CLDN14: variants seen among roughly 807,000 people sequenced by gnomAD.
CLDN14 encodes the protein claudin-14.
CLDN14 carries 2 observed loss-of-function variants against 2.1 expected under a neutral mutation model. The ratio of observed to expected loss-of-function variants is 0.96; its 90% CI spans 0.39 to 3.01. The LOEUF is 3.01. Ranked by LOEUF, CLDN14 falls within the 30% of genes most tolerant of loss-of-function variation. The pLI is 0.09. For synonymous variants in CLDN14, 136 were observed against 154.4 expected (o/e 0.88, Z 0.88); for missense variants, 298 against 328.0 (o/e 0.91, Z 0.71).
intron 1 of CLDN14, among the ~76,000 whole-genome samples, chr21:36,468,056 C>A (rs1158370719): frequency 6.6e-6 from 1 of 152,192 alleles, no homozygotes; most frequent in Non-Finnish European, 1.5e-5. Context: ...TATGTTTGCC[C>A]TCAAATGCTC....
intron 1 of CLDN14, among the ~76,000 whole-genome samples, chr21:36,519,563 A>T (rs8130049): frequency 0.68 from 103,539 of 152,010 alleles, 39,923 homozygotes; most frequent in Non-Finnish European, 0.89. Flanking sequence ...TACAAAAATT[A>T]GCCCGGTGTG....
chr21:36,513,224 T>C lies in CLDN14; in HGVS notation c.-219-2724A>G, dbSNP rs140082034. 3.2e-3 allele frequency among the ~76,000 whole-genome samples: 482 copies of C among 152,298 alleles called. 2 individuals carry two copies. The highest frequency in any genetic ancestry group is 0.03 in the South Asian group (145 of 4,822). On this transcript the variant is annotated intron_variant, in intron 1 of 2. Transcript: ENST00000342108. Reference sequence around the variant, plus strand: ...TTGGAGGAACTGTCCAGGGGGCTGCTGAGTAAAGCTTCTTTGCTCTTAAAA... The same window carrying C: ...TTGGAGGAACTGTCCAGGGGGCTGCCGAGTAAAGCTTCTTTGCTCTTAAAA...
intron 1 of CLDN14, among the ~76,000 whole-genome samples, chr21:36,538,742 C>T (rs1231363100): frequency 7.4e-6 from 1 of 135,798 alleles, no homozygotes; most frequent in South Asian, 2.5e-4. Context: ...TCCCTCAAGT[C>T]ACCTCCATTG....
chr21:36,529,980 C>T (rs1009405395), intron 1 of CLDN14, among the ~76,000 whole-genome samples: 2 of 152,184 alleles, frequency 1.3e-5, no homozygotes, highest in African/African-American at 4.8e-5. Context: ...GAGCGGGCAC[C>T]TGCTGGGGGA....
At position 36,546,969 on chromosome 21, in the gene CLDN14, A is replaced by G. The variant is rs12626500; in HGVS notation, c.-220+29442T>C. 2.0e-4 allele frequency among the ~76,000 whole-genome samples: 31 copies of G among 152,284 alleles called. No homozygotes were observed. The East Asian group carries it at 5.2e-3, about 26-fold the overall frequency. ...GGCAGGGAGGAGTGTTGCTCTTGGC[A>G]TCTAGTGGGTAGAGTCAGCGATGCT... On this transcript the variant is annotated intron_variant, in intron 1 of 2. Coordinates refer to the CLDN14 transcript ENST00000342108.
At chr21:36,546,385 G>A (rs1043769165) in intron 1 of CLDN14, among the ~76,000 whole-genome samples, 9 of 152,132 alleles carry the variant, frequency 5.9e-5, no homozygotes, top group Non-Finnish European at 1.2e-4. Context: ...AGAAACAGCT[G>A]TGCTTGTTCT....
At position 36,544,558 on chromosome 21, in the gene CLDN14, A is replaced by G. The variant is rs1480642492; in HGVS notation, c.-220+31853T>C. ...GGGGAGAATTTGAATTTTCCTGTGC[A>G]CTAACCACAGGCATCCCCTCCTCCA... On this transcript the variant is annotated intron_variant, in intron 1 of 2. Coordinates refer to the CLDN14 transcript ENST00000342108. The surrounding 1 kb of genome is among the most constrained non-coding windows in gnomAD (Gnocchi z 4.1). 6.6e-6 allele frequency among the ~76,000 whole-genome samples: 1 copy of G among 152,220 alleles called. No homozygotes were observed. The highest frequency in any genetic ancestry group is 1.9e-4 in the East Asian group (1 of 5,206).
At chr21:36,539,560 G>A (rs1236566476) in intron 1 of CLDN14, among the ~76,000 whole-genome samples, 2 of 147,038 alleles carry the variant, frequency 1.4e-5, no homozygotes, top group Admixed American at 6.8e-5. Flanking sequence ...AGTGTGTGTG[G>A]AGTGAGTGTG....
intron 1 of CLDN14, among the ~76,000 whole-genome samples, chr21:36,522,738 G>C (rs1417664796): frequency 6.6e-6 from 1 of 152,094 alleles, no homozygotes; most frequent in Non-Finnish European, 1.5e-5. Flanking sequence ...TCCAAACTTT[G>C]GCTTTTTTGT....
At position 36,523,809 on chromosome 21, in the gene CLDN14, A is replaced by C. The variant is rs142588470; in HGVS notation, c.-219-13309T>G. 3.0e-5 allele frequency among the ~76,000 whole-genome samples: 3 copies of C among 98,590 alleles called. 1 individual carries two copies. Among genetic ancestry groups the C allele is most frequent in the Non-Finnish European group, 6.5e-5 (3 of 46,304 alleles). 64.7% of individuals were successfully genotyped at this position (98,590 alleles called of 152,430 possible). On this transcript the variant is annotated intron_variant, in intron 1 of 2. Coordinates refer to the CLDN14 transcript ENST00000342108. ...AAAGAAAGAAAGAAAGAAAGAAAGA[A>C]AGAAAGAAAGAAAGAAAGAAAGAAA...
intron 1 of CLDN14, among the ~76,000 whole-genome samples, chr21:36,518,119 G>A (rs183317029): frequency 2.7e-5 from 4 of 149,282 alleles, no homozygotes; most frequent in Admixed American, 1.3e-4. Flanking sequence ...CGACCTGTTG[G>A]TTTTGTTACT....
chr21:36,535,802 G>T (rs1027040040), intron 1 of CLDN14, among the ~76,000 whole-genome samples: 83 of 152,274 alleles, frequency 5.5e-4, no homozygotes, highest in African/African-American at 1.9e-3. Context: ...TTATCTCAAA[G>T]CACATGAATT....
At chr21:36,572,394 C>T (rs376645463) in intron 1 of CLDN14, among the ~76,000 whole-genome samples, 3 of 151,232 alleles carry the variant, frequency 2.0e-5, no homozygotes, top group African/African-American at 4.8e-5. Context: ...CTTCCCTCTG[C>T]GGAGTCCAGG....
At chr21:36,537,083 G>A (rs146132961) in intron 1 of CLDN14, among the ~76,000 whole-genome samples, 37 of 152,316 alleles carry the variant, frequency 2.4e-4, no homozygotes, top group Non-Finnish European at 4.6e-4. Context: ...TCAGCTACTC[G>A]TGAGGCTAAG....
chr21:36,567,097 C>T (rs535848736), intron 1 of CLDN14, among the ~76,000 whole-genome samples: 2 of 152,306 alleles, frequency 1.3e-5, no homozygotes, highest in South Asian at 4.2e-4. Context: ...GTACGTAATA[C>T]CTCAAAGTCA....
intron 2 of CLDN14, among the ~76,000 whole-genome samples, chr21:36,496,327 C>T (rs2087017099): frequency 1.3e-5 from 2 of 150,384 alleles, no homozygotes; most frequent in Admixed American, 1.3e-4. Flanking sequence ...GTCCGAGGTA[C>T]TTGGGAGGCT....
upstream of CLDN14, chr21:36,480,413 C>G (rs142239719): frequency 3.5e-4 from 54 of 152,276 alleles, no homozygotes; most frequent in African/African-American, 1.3e-3. Context: ...TGCTTGACAG[C>G]GATGTCCAGG....
chr21:36,508,451 A>G (rs1226752082), intron 2 of CLDN14, among the ~76,000 whole-genome samples: 4 of 152,210 alleles, frequency 2.6e-5, no homozygotes, highest in Admixed American at 2.6e-4. Flanking sequence ...GAGATGACCA[A>G]GGGGATTTGA....
At chr21:36,478,678 A>G (rs188056875) in intron 1 of CLDN14, among the ~76,000 whole-genome samples, 1 of 152,338 alleles carries the variant, frequency 6.6e-6, no homozygotes, top group Admixed American at 6.5e-5. Flanking sequence ...CAAGACTTCA[A>G]AAATGAAACC....
Sources: allele counts gnomAD v4.1 joint callset (sites outside exome capture counted in the v4.1 genomes callset), GRCh38; gene constraint gnomAD v4.1.1; non-coding constraint Gnocchi (gnomAD v3.1); transcripts MANE v1.5; gene names NCBI Gene and HGNC (gene_info 2026-07-23, HGNC 2026-07-21).